The following RIMKLB variants were observed in gnomAD, a reference collection of about 807,000 sequenced individuals.
The protein encoded by RIMKLB is beta-citrylglutamate synthase B.
A neutral mutation model predicts 32.0 loss-of-function variants in RIMKLB; 7 were observed. That is an observed-to-expected ratio of 0.22 (90% CI 0.12 to 0.41). The LOEUF (loss-of-function observed/expected upper bound fraction) is 0.41. Among genes scored for constraint, RIMKLB ranks in the 10% least tolerant of loss-of-function variants. The pLI, the probability that RIMKLB is intolerant of heterozygous loss-of-function variation, is 1.00. For synonymous variants in RIMKLB, 172 were observed against 185.1 expected, an observed-to-expected ratio of 0.93 and a Z score of 0.57; for missense variants, 289 against 498.7, an observed-to-expected ratio of 0.58 and a Z score of 4.00.
chr12:8,694,396 CTTTTTTTTTTT>C (rs34896689), upstream of RIMKLB, among the ~76,000 whole-genome samples: 1 of 122,494 alleles, frequency 8.2e-6, no homozygotes, highest in African/African-American at 3.2e-5. Flanking sequence ...AATTTTTTTT[CTTTTTTTTTTT>C]TTTTTTGAGA....
chr12:8,742,195 G>A (rs1947621405), intron 2 of RIMKLB, among the ~76,000 whole-genome samples: 1 of 151,866 alleles, frequency 6.6e-6, no homozygotes, highest in Non-Finnish European at 1.5e-5. Flanking sequence ...ACCATGCCCG[G>A]CTGGAGAGCC....
chr12:8,774,100 G>A lies in RIMKLB; in HGVS notation c.*316G>A. The A allele has an allele frequency of 1.0e-5, 11 of 1,059,612 alleles. No homozygotes were observed. Among genetic ancestry groups the A allele is most frequent in the Non-Finnish European group, 1.3e-5 (11 of 877,742 alleles). 65.6% of individuals were successfully genotyped at this position (1,059,612 alleles called of 1,614,324 possible). ...GAACAAATACTTTTTTTTTTTCATG[G>A]TCCCTTGCTTTTGTTTTTGTACAAA... On this transcript the variant is annotated 3_prime_UTR_variant, in exon 6 of 6. Coordinates refer to ENST00000535829, the MANE Select transcript of RIMKLB (RefSeq NM_001297776.2).
chr12:8,762,119 C>T (rs771754574), intron 5 of RIMKLB, among the ~76,000 whole-genome samples: 25 of 151,964 alleles, frequency 1.6e-4, no homozygotes, highest in Non-Finnish European at 3.2e-4. Context: ...TACAATGGGG[C>T]GTCAATATTT....
intron 1 of RIMKLB, among the ~76,000 whole-genome samples, chr12:8,703,294 AAAAG>A (rs781256555): frequency 3.3e-5 from 5 of 152,242 alleles, no homozygotes; most frequent in Admixed American, 6.5e-5. Flanking sequence ...AAAAAAAAGA[AAAAG>A]AAAAGAAAAA....
intron 1 of RIMKLB, among the ~76,000 whole-genome samples, chr12:8,709,169 A>C (rs139310182): frequency 2.4e-4 from 36 of 152,298 alleles, no homozygotes; most frequent in African/African-American, 8.2e-4. Flanking sequence ...CTAGGAAAAA[A>C]GTTTGCCATT....
At chr12:8,747,301 T>C (rs1948186307) in intron 2 of RIMKLB, among the ~76,000 whole-genome samples, 1 of 152,192 alleles carries the variant, frequency 6.6e-6, no homozygotes, top group African/African-American at 2.4e-5. Context: ...ATCAATACCA[T>C]CAATACAAAT....
Position 8,775,577 on chromosome 12 carries a change from G to A in RIMKLB, c.*1793G>A, listed in dbSNP as rs150333388. 503 of 985,722 alleles carry A rather than the reference G, an allele frequency of 5.1e-4. 5 individuals carry two copies. In the African/African-American group the frequency reaches 8.4e-3, roughly 16 times the overall value. 61.1% of individuals were successfully genotyped at this position (985,722 alleles called of 1,614,324 possible). ...AAACATAATTTCTTGGACACTACTA[G>A]AGAGACTTCGAGGCAATAATAAAAG... On this transcript the variant is annotated 3_prime_UTR_variant, in exon 6 of 6. Coordinates refer to ENST00000535829, the MANE Select transcript of RIMKLB (RefSeq NM_001297776.2).
intron 2 of RIMKLB, among the ~76,000 whole-genome samples, chr12:8,733,916 AT>A (rs949573010): frequency 5.3e-5 from 8 of 152,112 alleles, no homozygotes; most frequent in Admixed American, 2.0e-4. Context: ...TGATCGATTG[AT>A]TTAGGTAGAT....
chr12:8,716,529 C>T (rs1295940880), intron 2 of RIMKLB, among the ~76,000 whole-genome samples: 1 of 139,280 alleles, frequency 7.2e-6, no homozygotes, highest in Non-Finnish European at 1.5e-5. Context: ...TATCTTCTCA[C>T]TATCCTGGCT....
chr12:8,690,607 T>TCTC (rs1424049807), intron 1 of RIMKLB, among the ~76,000 whole-genome samples: 1 of 152,188 alleles, frequency 6.6e-6, no homozygotes, highest in Non-Finnish European at 1.5e-5. Flanking sequence ...CCTCACTGTG[T>TCTC]CTCCGTTTGC....
intron 2 of RIMKLB, among the ~76,000 whole-genome samples, chr12:8,732,778 C>T (rs1256819883): frequency 2.0e-5 from 3 of 151,572 alleles, no homozygotes; most frequent in African/African-American, 7.3e-5. Flanking sequence ...CACACACACA[C>T]ACACTCTCTT....
At chr12:8,720,454 CAGG>C (rs1295190593) in intron 2 of RIMKLB, among the ~76,000 whole-genome samples, 2 of 152,234 alleles carry the variant, frequency 1.3e-5, no homozygotes, top group African/African-American at 4.8e-5. Flanking sequence ...ACATGGAGCT[CAGG>C]AGTCTAGTAG....
In RIMKLB at chr12:8,775,022, T is replaced by A. The variant is rs1334508998; in HGVS notation, c.*1238T>A. On this transcript the variant is annotated 3_prime_UTR_variant, in exon 6 of 6. Coordinates refer to ENST00000535829, the MANE Select transcript of RIMKLB (RefSeq NM_001297776.2). ...AGATGAGTTGTTTTCATAAGTAGACTCCACTGGGGTAGAGGTATTCACCTT... is the reference window on the plus strand; with the variant it reads ...AGATGAGTTGTTTTCATAAGTAGACACCACTGGGGTAGAGGTATTCACCTT... The A allele has an allele frequency of 1.0e-6, 1 of 985,680 alleles. No homozygotes were observed. Among genetic ancestry groups the A allele is most frequent in the African/African-American group, 1.7e-5 (1 of 57,230 alleles). 61.1% of individuals were successfully genotyped at this position (985,680 alleles called of 1,614,324 possible).
intron 5 of RIMKLB, among the ~76,000 whole-genome samples, chr12:8,765,192 G>A (rs1217168919): frequency 6.6e-6 from 1 of 151,972 alleles, no homozygotes; most frequent in Non-Finnish European, 1.5e-5. Context: ...AGGGCAGTAG[G>A]ATTTTCTTCC....
chr12:8,679,607 A>G (rs7132012), upstream of RIMKLB: 46,342 of 152,674 alleles, frequency 0.3, 7,526 homozygotes, highest in African/African-American at 0.36. Context: ...CTGAGAACTC[A>G]AGCAGCTTTT....
At chr12:8,720,622 A>T (rs1006913083) in intron 2 of RIMKLB, among the ~76,000 whole-genome samples, 1 of 151,930 alleles carries the variant, frequency 6.6e-6, no homozygotes, top group Non-Finnish European at 1.5e-5. Context: ...GCTCACTGCA[A>T]CCTCTGTCTC....
At chr12:8,777,438 C>A (rs1305291765), downstream of RIMKLB, 13 of 984,658 alleles carry the variant, frequency 1.3e-5, no homozygotes, top group African/African-American at 7.0e-5. Context: ...TGCCATTTTG[C>A]CATGCTGTTT....
At chr12:8,697,219 C>T (rs1942922267), upstream of RIMKLB, 2 of 152,330 alleles carry the variant, frequency 1.3e-5, no homozygotes, top group Admixed American at 6.5e-5. Flanking sequence ...GCTATCCACC[C>T]CGCCTGTATC....
chr12:8,773,378 T>C lies in RIMKLB; in HGVS notation c.755T>C (p.Val252Ala). 6.2e-7 allele frequency: 1 copy of C among 1,613,990 alleles called. No homozygotes were observed. The highest frequency in any genetic ancestry group is 8.5e-7 in the Non-Finnish European group (1 of 1,179,828). The change falls in exon 6 of 6, where the codon GTG (valine) becomes GCG (alanine). Residue 252 changes from valine to alanine, a missense_variant. Val to Ala is a moderately conservative substitution (Grantham distance 64). This residue lies in a region of RIMKLB where 156 missense variants were observed against 329.5 expected (regional missense o/e 0.47). Transcript: ENST00000535829. Reference protein sequence around the residue: ...SEQGKQLAIQVSNILGMDVCG... With the variant: ...SEQGKQLAIQASNILGMDVCG... ...CAAGGGAAGCAGCTAGCTATCCAGGTGTCTAATATCCTGGGGATGGATGTG... is the reference window on the plus strand; with the variant it reads ...CAAGGGAAGCAGCTAGCTATCCAGGCGTCTAATATCCTGGGGATGGATGTG...
Sources: gnomAD v4.1 joint callset for allele counts (sites outside exome capture counted in the v4.1 genomes callset) on GRCh38, gnomAD v4.1.1 for gene constraint, gnomAD v4.1.1 regional missense constraint, MANE v1.5 for transcripts, NCBI Gene and HGNC (gene_info 2026-07-23, HGNC 2026-07-21) for gene names.